Variants in NLN observed in about 807,000 individuals in gnomAD.
The protein encoded by NLN is neurolysin.
A neutral mutation model predicts 79.9 loss-of-function variants in NLN; 64 were observed. That is an observed-to-expected ratio of 0.80 (90% CI 0.65 to 0.99). The LOEUF (loss-of-function observed/expected upper bound fraction) is 0.99. Ranked by LOEUF, NLN falls within the 50% of genes least tolerant of loss-of-function variation. The pLI is 0.00. For missense variants in NLN, 835 were observed against 858.7 expected (o/e 0.97, Z 0.34); for synonymous variants, 267 against 296.6 (o/e 0.90, Z 1.02).
chr5:65,803,443 C>T (rs1481866203), intron 9 of NLN, among the ~76,000 whole-genome samples: 1 of 152,140 alleles, frequency 6.6e-6, no homozygotes, highest in Non-Finnish European at 1.5e-5. Context: ...GACACCTGGC[C>T]AGGTTGTGAC....
At chr5:65,773,064 C>T (rs1293778162) in intron 3 of NLN, among the ~76,000 whole-genome samples, 5 of 151,886 alleles carry the variant, frequency 3.3e-5, no homozygotes, top group African/African-American at 1.2e-4. Context: ...GTGATCCTCC[C>T]GCCTTGTCCT....
intron 9 of NLN, among the ~76,000 whole-genome samples, chr5:65,807,674 A>G (rs960997724): frequency 2.0e-5 from 3 of 152,146 alleles, no homozygotes; most frequent in Non-Finnish European, 2.9e-5. Context: ...TCCTGACCTC[A>G]GGTGATCCAC....
At chr5:65,790,814 C>G (rs1165807353) in intron 8 of NLN, among the ~76,000 whole-genome samples, 1 of 152,224 alleles carries the variant, frequency 6.6e-6, no homozygotes, top group African/African-American at 2.4e-5. Flanking sequence ...CCGAAGAACT[C>G]TTTCAGGAGT....
At chr5:65,759,304 GA>G (rs1291607226) in intron 2 of NLN, among the ~76,000 whole-genome samples, 1 of 152,080 alleles carries the variant, frequency 6.6e-6, no homozygotes, top group African/African-American at 2.4e-5. Context: ...ATGACATGGG[GA>G]AAAGGACACA....
At chr5:65,773,581 A>G (rs1180280938) in intron 3 of NLN, among the ~76,000 whole-genome samples, 1 of 151,650 alleles carries the variant, frequency 6.6e-6, no homozygotes, top group Non-Finnish European at 1.5e-5. Context: ...CAGAAAATAT[A>G]AAGTTCTTGT....
At chr5:65,736,678 G>C (rs1439525551) in intron 1 of NLN, among the ~76,000 whole-genome samples, 1 of 152,082 alleles carries the variant, frequency 6.6e-6, no homozygotes, top group African/African-American at 2.4e-5. Flanking sequence ...ATGTTTTCGT[G>C]TTTCTTTGCC....
intron 9 of NLN, among the ~76,000 whole-genome samples, chr5:65,799,005 C>CTAAG (rs1760225987): frequency 6.6e-6 from 1 of 152,132 alleles, no homozygotes; most frequent in Admixed American, 6.5e-5. Context: ...CCTCAGCTTC[C>CTAAG]TAAGTAGCTG....
At chr5:65,727,111 T>C (rs1758490394) in intron 1 of NLN, among the ~76,000 whole-genome samples, 1 of 152,192 alleles carries the variant, frequency 6.6e-6, no homozygotes. Flanking sequence ...TCAATTCACT[T>C]TGTGACCTTA....
chr5:65,794,256 C>A (rs183254546), intron 9 of NLN, among the ~76,000 whole-genome samples: 3 of 152,240 alleles, frequency 2.0e-5, no homozygotes, highest in Non-Finnish European at 4.4e-5. Context: ...AAAGTAATCT[C>A]ACTTCAACTT....
intron 7 of NLN, 78 bp from the exon 8 acceptor site, chr5:65,788,040 G>A: frequency 7.0e-7 from 1 of 1,420,764 alleles, no homozygotes; most frequent in Non-Finnish European, 9.6e-7. Context: ...GAAGCACCAT[G>A]CTAAAACACA....
At position 65,748,985 on chromosome 5, in the gene NLN, C is replaced by T. The variant is rs372459817; in HGVS notation, c.42-9582C>T. On this transcript the variant is annotated intron_variant, in intron 1 of 12. Coordinates refer to ENST00000380985, the MANE Select transcript of NLN (RefSeq NM_020726.5). ...GGGGGCAGATTTTTCCTGTGCTTTTCTCGTGATAGTGAATAAGTCTCACGA... is the reference window on the plus strand; with the variant it reads ...GGGGGCAGATTTTTCCTGTGCTTTTTTCGTGATAGTGAATAAGTCTCACGA... Among the ~76,000 whole-genome samples the T allele has an allele frequency of 3.3e-5, 5 of 152,152 alleles. No homozygotes were observed. In the East Asian group the frequency reaches 5.8e-4, roughly 18 times the overall value.
intron 1 of NLN, among the ~76,000 whole-genome samples, chr5:65,735,186 G>A (rs1429048163): frequency 1.3e-5 from 2 of 152,086 alleles, no homozygotes; most frequent in African/African-American, 4.8e-5. Context: ...TGAATAAGGA[G>A]GTGTTTGCTT....
rs910443076 is a variant in NLN at position 65,780,594 on chromosome 5, A to AT, written c.661+322dup. Among the ~76,000 whole-genome samples, 6 of 151,404 alleles carry AT rather than the reference A, an allele frequency of 4.0e-5. No individual in the cohort carries two copies. In the East Asian group the frequency reaches 9.7e-4, roughly 24 times the overall value. On this transcript the variant is annotated intron_variant, in intron 5 of 12. Transcript: ENST00000380985. ...GTTTAACAGCCTTCAGTGCCTTAAA[A>AT]TTTTTTTTTGACTTGCATTGTTTCC... is the stretch of plus-strand genomic sequence containing the variant.
At chr5:65,821,195 G>A (rs1423946425) in intron 12 of NLN, among the ~76,000 whole-genome samples, 2 of 152,080 alleles carry the variant, frequency 1.3e-5, no homozygotes, top group Non-Finnish European at 2.9e-5. Flanking sequence ...GTGACTGAGT[G>A]CCTTCTCTTA....
At chr5:65,808,622 T>C (rs372668878) in intron 9 of NLN, among the ~76,000 whole-genome samples, 2 of 152,234 alleles carry the variant, frequency 1.3e-5, no homozygotes, top group African/African-American at 4.8e-5. Flanking sequence ...GACGTCTGAC[T>C]CAAGAATTTA....
At chr5:65,735,384 C>T (rs1044683085) in intron 1 of NLN, among the ~76,000 whole-genome samples, 1 of 152,174 alleles carries the variant, frequency 6.6e-6, no homozygotes, top group Non-Finnish European at 1.5e-5. Context: ...ATCACCTTTT[C>T]CTAAATTGAC....
At chr5:65,731,696 C>T (rs1184485639) in intron 1 of NLN, among the ~76,000 whole-genome samples, 1 of 149,404 alleles carries the variant, frequency 6.7e-6, no homozygotes, top group Non-Finnish European at 1.5e-5. Flanking sequence ...CCTAGAAAGT[C>T]CTTCTCCACC....
chr5:65,813,175 A>G (rs575651053), intron 12 of NLN, among the ~76,000 whole-genome samples: 1 of 152,276 alleles, frequency 6.6e-6, no homozygotes, highest in South Asian at 2.1e-4. Context: ...ATTGAAATAC[A>G]TTGATGTGAT....
Position 65,824,546 on chromosome 5 carries a change from AG to A in NLN, c.*1632del, listed in dbSNP as rs1283645044. Reference sequence around the variant, plus strand: ...TTCCCCCTAGACTTTTCTGTTTTTCAGTTTCAGACAAAAAAACTCTTCAGCT... The same window carrying A: ...TTCCCCCTAGACTTTTCTGTTTTTCATTTCAGACAAAAAAACTCTTCAGCT... On this transcript the variant is annotated 3_prime_UTR_variant, in exon 13 of 13. Transcript: ENST00000380985. The A allele has an allele frequency of 2.0e-5, 3 of 152,106 alleles. No individual in the cohort carries two copies. The highest frequency in any genetic ancestry group is 4.8e-5 in the African/African-American group (2 of 41,422). 9.4% of individuals were successfully genotyped at this position (152,106 alleles called of 1,614,324 possible).
Sources: gnomAD v4.1 joint callset for allele counts (sites outside exome capture counted in the v4.1 genomes callset) on GRCh38, gnomAD v4.1.1 for gene constraint, MANE v1.5 for transcripts, NCBI Gene and HGNC (gene_info 2026-07-23, HGNC 2026-07-21) for gene names.